The following SBNO2 variants were observed in gnomAD, a reference collection of about 807,000 sequenced individuals.
SBNO2 encodes protein strawberry notch homolog 2.
SBNO2 carries 89 observed loss-of-function variants against 146.3 expected under a neutral mutation model. The ratio of observed to expected loss-of-function variants is 0.61; its 90% CI spans 0.51 to 0.73. The LOEUF is 0.73. Ranked by LOEUF, SBNO2 falls within the 30% of genes least tolerant of loss-of-function variation. The probability of loss-of-function intolerance (pLI) is 0.00; values close to 1 mark genes in which losing one functional copy is unlikely to be tolerated. For synonymous variants in SBNO2, 1,147 were observed against 892.6 expected (o/e 1.29, Z -5.08); for missense variants, 2,092 against 2,003.7 (o/e 1.04, Z -0.84).
chr19:1,118,828 C>T lies in SBNO2; in HGVS notation c.1527+183G>A, dbSNP rs75291285. Among the ~76,000 whole-genome samples, 553 of 152,142 alleles carry T rather than the reference C, an allele frequency of 3.6e-3. 3 individuals are homozygous for T. Among genetic ancestry groups the T allele is most frequent in the African/African-American group, 0.013 (525 of 41,492 alleles). On this transcript the variant is annotated intron_variant, in intron 14 of 31. Transcript: ENST00000361757. The stretch of plus-strand genomic sequence containing the variant: ...CAGAGGTTGCAGTGAACTGAGATCA[C>T]ACCACAGCACTCCAGCCTAGATGAC...
chr19:1,153,333 G>A (rs1204552562), intron 2 of SBNO2, among the ~76,000 whole-genome samples: 19 of 147,834 alleles, frequency 1.3e-4, no homozygotes, highest in Admixed American at 1.3e-4. Flanking sequence ...TGCCTCCCAG[G>A]TTCAAGCGAT....
intron 4 of SBNO2, among the ~76,000 whole-genome samples, chr19:1,133,100 T>C (rs1299424549): frequency 6.6e-6 from 1 of 151,324 alleles, no homozygotes; most frequent in Non-Finnish European, 1.5e-5. Flanking sequence ...ATTCTCGGTG[T>C]CCTTGGAGGA....
chr19:1,111,186 G>T, intron 24 of SBNO2, 93 bp from the exon 25 acceptor site: 1 of 1,389,800 alleles, frequency 7.2e-7, no homozygotes, highest in Non-Finnish European at 9.7e-7. Flanking sequence ...CAGCTCCCTG[G>T]GGGGCTGGGG....
chr19:1,109,214 A>G lies in SBNO2; in HGVS notation c.3349-3T>C, dbSNP rs2159133. ...TCCTTGGCCTCCTCCGCGGTGACCT[A>G]GGGACACAGGGCCGCATGAGCCTGG... On this transcript the variant is annotated splice_region_variant and splice_polypyrimidine_tract_variant and intron_variant, in intron 29 of 31. Coordinates refer to ENST00000361757, the MANE Select transcript of SBNO2 (RefSeq NM_014963.3). This position sits in a 1 kb window ranked among gnomAD's most constrained non-coding sequence, Gnocchi z 4.2. 823,961 of 1,567,856 alleles carry G rather than the reference A, an allele frequency of 0.53. 219,325 individuals carry two copies. The highest frequency in any genetic ancestry group is 0.73 in the African/African-American group (53,984 of 73,910).
At position 1,165,001 on chromosome 19, in the gene SBNO2, G is replaced by A. The variant is rs567580315; in HGVS notation, c.-127+9171C>T. On this transcript the variant is annotated intron_variant, in intron 1 of 31. Transcript: ENST00000361757. ...AGGAGGAGGAGGAGGAGGCAGCGGC[G>A]GCACTGTGGGTCTTCCACAGGGTGT... 1.5e-4 allele frequency among the ~76,000 whole-genome samples: 22 copies of A among 151,334 alleles called. No homozygotes were observed. The South Asian group carries it at 1.9e-3, about 13-fold the overall frequency.
At chr19:1,171,851 C>G (rs1225604568) in intron 1 of SBNO2, among the ~76,000 whole-genome samples, 1 of 152,186 alleles carries the variant, frequency 6.6e-6, no homozygotes, top group South Asian at 2.1e-4. Flanking sequence ...CATGGTCACG[C>G]GGCTGGAGAA....
In SBNO2 at chr19:1,108,492, G is replaced by A. The variant is rs879438810; in HGVS notation, c.3829C>T (p.Pro1277Ser). 4.2e-4 allele frequency: 511 copies of A among 1,220,004 alleles called. 1 individual carries two copies. Among genetic ancestry groups the A allele is most frequent in the Non-Finnish European group, 5.0e-4 (492 of 976,880 alleles). 75.6% of individuals were successfully genotyped at this position (1,220,004 alleles called of 1,614,324 possible). ...AFPPPPHFSF[P>S]APLSLDAGPG... ...CCGGCGTCCAGGGACAGCGGCGCCG[G>A]GAAAGAGAAGTGCGGGGGCGGCGGG... Residue 1277 changes from proline to serine, a missense_variant, in exon 32 of 32, where the codon CCG becomes TCG. By Grantham distance (74) the Pro-to-Ser change is moderately conservative. Coordinates refer to ENST00000361757, the MANE Select transcript of SBNO2 (RefSeq NM_014963.3).
rs1245851496 is a variant in SBNO2 at position 1,114,438 on chromosome 19, G to A, written c.1886-16C>T. The A allele has an allele frequency of 1.3e-6, 2 of 1,501,774 alleles. No homozygotes were observed. Among genetic ancestry groups the A allele is most frequent in the Non-Finnish European group, 1.8e-6 (2 of 1,121,014 alleles). The allele number at this position is 1,501,774 out of a possible 1,614,324, so 93.0% of individuals were successfully genotyped here. A position where few individuals can be genotyped will look rare whatever the true frequency, so the allele number is the denominator to read the frequency against. ...CGAGGTCGCCCTGCAGGGAAGGACA[G>A]GGTCACCGAGGGCCAGACCGCAGCA... On this transcript the variant is annotated splice_polypyrimidine_tract_variant and intron_variant, in intron 17 of 31. Coordinates refer to ENST00000361757, the MANE Select transcript of SBNO2 (RefSeq NM_014963.3).
chr19:1,120,113 G>A (rs2079882686), intron 11 of SBNO2, 90 bp from the exon 12 acceptor site: 2 of 1,015,762 alleles, frequency 2.0e-6, no homozygotes, highest in Non-Finnish European at 2.9e-6. Flanking sequence ...CACCTTCCTG[G>A]TGGGGGGCAA....
chr19:1,113,921 CCAAA>C (rs2079799422), intron 18 of SBNO2, among the ~76,000 whole-genome samples: 1 of 152,214 alleles, frequency 6.6e-6, no homozygotes, highest in Non-Finnish European at 1.5e-5. Context: ...CTGTCGCGGA[CCAAA>C]CACTGTGACC....
chr19:1,131,159 C>G (rs547852785), intron 4 of SBNO2, among the ~76,000 whole-genome samples: 2 of 152,328 alleles, frequency 1.3e-5, no homozygotes, highest in East Asian at 3.9e-4. Context: ...TCCACAGCCC[C>G]TCCAGGCCGG....
intron 17 of SBNO2, 97 bp downstream of exon 17, chr19:1,115,924 G>C (rs1403113683): frequency 4.0e-6 from 4 of 990,152 alleles, no homozygotes; most frequent in Non-Finnish European, 6.2e-6. Flanking sequence ...TGGCTGAGTG[G>C]ACGGGGGAGT....
intron 4 of SBNO2, among the ~76,000 whole-genome samples, chr19:1,141,642 G>A (rs550769981): frequency 6.6e-6 from 1 of 151,702 alleles, no homozygotes; most frequent in Non-Finnish European, 1.5e-5. Context: ...ACACAGTGGG[G>A]CCCTCCACGC....
chr19:1,137,237 T>C (rs1179177603), intron 4 of SBNO2, among the ~76,000 whole-genome samples: 1 of 37,612 alleles, frequency 2.7e-5, no homozygotes, highest in African/African-American at 1.4e-4. Context: ...AGGCTCGGGC[T>C]GGGGTACAGT....
chr19:1,109,749 G>T lies in SBNO2; in HGVS notation c.3057C>A (p.Tyr1019Ter). 1 of 1,602,758 alleles carries T rather than the reference G, an allele frequency of 6.2e-7. No homozygotes were observed. The highest frequency in any genetic ancestry group is 8.5e-7 in the Non-Finnish European group (1 of 1,173,564). ...LDLAPGIEEI[Y>*]EESQQVFLAP... The stretch of plus-strand genomic sequence containing the variant: ...CCAGGAACACCTGCTGGCTCTCCTC[G>T]TAGATCTCCTCGATACCGGGAGCAA... Residue 1019 changes from tyrosine to a stop codon, truncating the protein, a stop_gained, in exon 27 of 32, where the codon TAC becomes TAA. Coordinates refer to ENST00000361757, the MANE Select transcript of SBNO2 (RefSeq NM_014963.3). LOFTEE classifies it high-confidence loss of function. The surrounding 1 kb of genome is among the most constrained non-coding windows in gnomAD (Gnocchi z 4.2).
At chr19:1,129,137 C>T (rs893701454) in intron 4 of SBNO2, among the ~76,000 whole-genome samples, 17 of 152,010 alleles carry the variant, frequency 1.1e-4, no homozygotes, top group African/African-American at 3.9e-4. Context: ...CATGGTGGTG[C>T]GTGCCTGTAA....
At chr19:1,115,118 T>TG (rs2079815694) in intron 17 of SBNO2, among the ~76,000 whole-genome samples, 1 of 151,696 alleles carries the variant, frequency 6.6e-6, no homozygotes, top group African/African-American at 2.4e-5. Flanking sequence ...TTAGTAGAGA[T>TG]GGAGTTTCAC....
intron 11 of SBNO2, 82 bp downstream of exon 11, chr19:1,122,057 C>A: frequency 9.6e-7 from 1 of 1,041,096 alleles, no homozygotes; most frequent in Admixed American, 4.1e-5. Flanking sequence ...ACTCCCACCC[C>A]TCCTCTCCCA....
chr19:1,123,603 C>G lies in SBNO2; in HGVS notation c.559G>C (p.Glu187Gln). ...SVQSQPEEEDEAEEEEAEELG... is the reference protein window; with the variant it reads ...SVQSQPEEEDQAEEEEAEELG... ...TCCTCCGCCTCCTCCTCCTCAGCCT[C>G]GTCCTCCTCCTCTGGCTGGCTCTGC... Residue 187 changes from glutamate to glutamine, a missense_variant, in exon 7 of 32, where the codon GAG becomes CAG. By Grantham distance (29) the Glu-to-Gln change is conservative. Transcript: ENST00000361757. The G allele has an allele frequency of 6.2e-7, 1 of 1,613,382 alleles. No individual in the cohort carries two copies. The highest frequency in any genetic ancestry group is 8.5e-7 in the Non-Finnish European group (1 of 1,179,742).
Sources: gnomAD v4.1 joint callset for allele counts (sites outside exome capture counted in the v4.1 genomes callset) on GRCh38, gnomAD v4.1.1 for gene constraint, Gnocchi (gnomAD v3.1) non-coding constraint, MANE v1.5 for transcripts, NCBI Gene and HGNC (gene_info 2026-07-23, HGNC 2026-07-21) for gene names.